The following TMEM131 variants were observed in gnomAD, a reference collection of about 807,000 sequenced individuals.
TMEM131 encodes transmembrane protein 131, also known as 2610524E03Rik.
TMEM131 carries 66 observed loss-of-function variants against 211.6 expected under a neutral mutation model. The ratio of observed to expected loss-of-function variants is 0.31; its 90% CI spans 0.26 to 0.38. The LOEUF is 0.38. TMEM131 is among the 10% of genes least tolerant of loss of function. The pLI is 1.00. For missense variants in TMEM131, 2,036 were observed against 2,299.3 expected (o/e 0.89, Z 2.34); for synonymous variants, 844 against 841.3 (o/e 1.00, Z -0.06).
chr2:97,974,738 G>GTAAT (rs147292329), intron 1 of TMEM131, among the ~76,000 whole-genome samples: 2,649 of 151,672 alleles, frequency 0.017, 108 homozygotes, highest in East Asian at 0.14. Context: ...ATGTCGACCT[G>GTAAT]TAATTCTATA....
At chr2:97,968,399 C>T (rs1679149876) in intron 1 of TMEM131, among the ~76,000 whole-genome samples, 2 of 152,056 alleles carry the variant, frequency 1.3e-5, no homozygotes, top group Admixed American at 1.3e-4. Flanking sequence ...CGGACGTAAA[C>T]ATGGGAATAG....
At chr2:97,971,830 C>G (rs1176832596) in intron 1 of TMEM131, among the ~76,000 whole-genome samples, 1 of 151,070 alleles carries the variant, frequency 6.6e-6, no homozygotes, top group Non-Finnish European at 1.5e-5. Flanking sequence ...CCACTACATT[C>G]CAGCCTGGGT....
chr2:97,798,859 T>C (rs10188497), intron 25 of TMEM131, among the ~76,000 whole-genome samples: 52,441 of 152,000 alleles, frequency 0.35, 9,922 homozygotes, highest in Middle Eastern at 0.49. Context: ...TAATTTCCCT[T>C]TTAAATCAAC....
At chr2:97,979,466 T>C (rs753735467) in intron 1 of TMEM131, among the ~76,000 whole-genome samples, 17 of 152,336 alleles carry the variant, frequency 1.1e-4, no homozygotes, top group Middle Eastern at 6.8e-3. Context: ...TCAATGATCT[T>C]AGCCAGATCT....
At chr2:97,777,598 A>G (rs1161856238) in intron 31 of TMEM131, among the ~76,000 whole-genome samples, 1 of 152,250 alleles carries the variant, frequency 6.6e-6, no homozygotes, top group East Asian at 1.9e-4. Flanking sequence ...CCTGAGCTAG[A>G]AAAAGAGTAA....
At chr2:97,793,336 T>C in intron 30 of TMEM131, 59 bp downstream of exon 30, 1 of 1,504,902 alleles carries the variant, frequency 6.6e-7, no homozygotes, top group Non-Finnish European at 9.0e-7. Context: ...TTTTTTATTG[T>C]AATTTTATCA....
intron 1 of TMEM131, among the ~76,000 whole-genome samples, chr2:97,955,028 T>A (rs1012743044): frequency 1.3e-5 from 2 of 152,004 alleles, no homozygotes; most frequent in East Asian, 3.9e-4. Context: ...CATTGCAAAA[T>A]TTTTTTAAAA....
At chr2:97,869,570 ATTTTAG>A (rs1674409144) in intron 4 of TMEM131, among the ~76,000 whole-genome samples, 1 of 152,238 alleles carries the variant, frequency 6.6e-6, no homozygotes, top group Non-Finnish European at 1.5e-5. Flanking sequence ...TCAGCAGGCT[ATTTTAG>A]TCGTTGCGTG....
intron 1 of TMEM131, among the ~76,000 whole-genome samples, chr2:97,939,631 T>C (rs1049496390): frequency 3.3e-5 from 5 of 152,160 alleles, no homozygotes; most frequent in Admixed American, 1.3e-4. Flanking sequence ...TCTGAAACTA[T>C]TGCAATCAAC....
At chr2:97,867,058 T>C (rs1674301436) in intron 4 of TMEM131, among the ~76,000 whole-genome samples, 1 of 152,250 alleles carries the variant, frequency 6.6e-6, no homozygotes, top group African/African-American at 2.4e-5. Flanking sequence ...GTTCAGCCTG[T>C]ATTGTTTAAA....
intron 1 of TMEM131, among the ~76,000 whole-genome samples, chr2:97,993,142 TATA>T (rs1195518803): frequency 3.9e-5 from 6 of 152,220 alleles, no homozygotes; most frequent in Non-Finnish European, 8.8e-5. Flanking sequence ...GCAGTGAAAT[TATA>T]CAGTAATGAA....
chr2:97,864,822 A>G (rs978618802), intron 4 of TMEM131, among the ~76,000 whole-genome samples: 1 of 152,208 alleles, frequency 6.6e-6, no homozygotes, highest in African/African-American at 2.4e-5. Context: ...TCCGAACTTT[A>G]TTATTCTCCA....
intron 35 of TMEM131, chr2:97,764,224 C>T (rs1192485205): frequency 6.6e-6 from 1 of 152,220 alleles, no homozygotes; most frequent in Non-Finnish European, 1.5e-5. Context: ...GCTTTCACCC[C>T]AAGGAACTGC....
At chr2:97,927,309 C>CA (rs1677032777) in intron 2 of TMEM131, 117 bp downstream of exon 2, 1 of 758,176 alleles carries the variant, frequency 1.3e-6, no homozygotes, top group African/African-American at 1.8e-5. Context: ...GACCTATCTT[C>CA]AAAGCTCATA....
At chr2:97,937,166 G>A (rs1367756015) in intron 1 of TMEM131, among the ~76,000 whole-genome samples, 1 of 152,000 alleles carries the variant, frequency 6.6e-6, no homozygotes, top group Non-Finnish European at 1.5e-5. Context: ...GAAACCACGT[G>A]CAAAACTAAA....
chr2:97,831,664 C>T (rs1162060554), intron 11 of TMEM131, among the ~76,000 whole-genome samples: 2 of 80,624 alleles, frequency 2.5e-5, no homozygotes, highest in African/African-American at 1.0e-4. Context: ...TCACATACCT[C>T]TTTTTTTTTT....
At chr2:97,986,722 C>G (rs767407436) in intron 1 of TMEM131, among the ~76,000 whole-genome samples, 1 of 152,196 alleles carries the variant, frequency 6.6e-6, no homozygotes, top group Non-Finnish European at 1.5e-5. Context: ...GTGCTGACCA[C>G]TACTTCATTT....
At chr2:97,760,342 G>A (rs1317027139) in intron 38 of TMEM131, 7 of 534,136 alleles carry the variant, frequency 1.3e-5, no homozygotes, top group African/African-American at 7.6e-5. Flanking sequence ...CAGGTGTAAC[G>A]TGTGTCTGCC....
At chr2:97,942,214 C>G (rs1350513441) in intron 1 of TMEM131, among the ~76,000 whole-genome samples, 2 of 151,506 alleles carry the variant, frequency 1.3e-5, no homozygotes, top group South Asian at 2.1e-4. Flanking sequence ...TCTGAGCAAA[C>G]TATCACAAGG....
Sources: gnomAD v4.1 joint callset for allele counts (sites outside exome capture counted in the v4.1 genomes callset) on GRCh38, gnomAD v4.1.1 for gene constraint, MANE v1.5 for transcripts, NCBI Gene and HGNC (gene_info 2026-07-23, HGNC 2026-07-21) for gene names.